Variants in WDR64 observed in about 807,000 individuals in gnomAD.
WDR64 encodes WD repeat domain 64.
In WDR64, 112 loss-of-function variants were observed where a neutral mutation model predicts 139.3. That is an observed-to-expected ratio of 0.80 (90% CI 0.69 to 0.94). WDR64 has a LOEUF of 0.94. WDR64 is among the 40% of genes least tolerant of loss of function. The probability of loss-of-function intolerance (pLI) is 0.00; values close to 1 mark genes in which losing one functional copy is unlikely to be tolerated. For missense variants in WDR64, 1,206 were observed against 1,293.1 expected (o/e 0.93, Z 1.03); for synonymous variants, 444 against 437.7 (o/e 1.01, Z -0.18).
chr1:241,704,675 A>AT, intron 8 of WDR64, among the ~76,000 whole-genome samples: 1 of 152,316 alleles, frequency 6.6e-6, no homozygotes, highest in East Asian at 1.9e-4. Flanking sequence ...AGAAACTGAA[A>AT]TTTTTAAAAT....
chr1:241,673,219 C>A (rs148607755), intron 3 of WDR64, among the ~76,000 whole-genome samples: 5 of 151,816 alleles, frequency 3.3e-5, no homozygotes, highest in Non-Finnish European at 5.9e-5. Flanking sequence ...TTAGGAGATA[C>A]ACCTAATGCT....
intron 2 of WDR64, among the ~76,000 whole-genome samples, chr1:241,666,845 T>C (rs1666041687): frequency 6.6e-6 from 1 of 152,224 alleles, no homozygotes; most frequent in Non-Finnish European, 1.5e-5. Flanking sequence ...TTACTGATTA[T>C]CCTTATTTTA....
rs545383701 is a variant in WDR64 at position 241,663,126 on chromosome 1, C to T, written c.276+2466C>T. Among the ~76,000 whole-genome samples the T allele has an allele frequency of 8.5e-5, 13 of 152,244 alleles. No individual in the cohort carries two copies. In the East Asian group the frequency reaches 2.5e-3, roughly 29 times the overall value. On this transcript the variant is annotated intron_variant, in intron 2 of 27. Coordinates refer to ENST00000437684, the MANE Select transcript of WDR64 (RefSeq NM_001367482.1). ...CTAGGAAATAAAAAGATTCCACTCA[C>T]AAAAGCAACAAATAGGAGAAAGTAT...
intron 1 of WDR64, among the ~76,000 whole-genome samples, chr1:241,657,493 T>TCA (rs1249916861): frequency 2.3e-4 from 35 of 152,298 alleles, no homozygotes; most frequent in Non-Finnish European, 1.5e-4. Flanking sequence ...TGTAGGTACC[T>TCA]CATACCTACT....
intron 8 of WDR64, among the ~76,000 whole-genome samples, chr1:241,696,377 C>T (rs1014880899): frequency 1.3e-5 from 2 of 151,660 alleles, no homozygotes; most frequent in Admixed American, 6.6e-5. Flanking sequence ...TTGGACCTCA[C>T]GCAAAAAAGA....
intron 10 of WDR64, among the ~76,000 whole-genome samples, chr1:241,732,298 G>A (rs1314579850): frequency 6.8e-6 from 1 of 146,688 alleles, no homozygotes; most frequent in African/African-American, 2.6e-5. Flanking sequence ...TTCTTACAAT[G>A]CAGTATCTAT....
chr1:241,701,839 C>T (rs893088303), intron 8 of WDR64, among the ~76,000 whole-genome samples: 4 of 152,212 alleles, frequency 2.6e-5, no homozygotes, highest in Non-Finnish European at 5.9e-5. Flanking sequence ...TCCATTCCAT[C>T]TCTAGACTCA....
chr1:241,793,524 C>T lies in WDR64; in HGVS notation c.2998-1683C>T, dbSNP rs1056285656. On this transcript the variant is annotated intron_variant, in intron 25 of 27. Transcript: ENST00000437684. ...TGTTCAGTATATCATTATTCTTTAA[C>T]AGTATCTACCTCATATTTAATAAAT... 5.8e-4 allele frequency among the ~76,000 whole-genome samples: 89 copies of T among 152,202 alleles called. 3 individuals are homozygous for T. Among genetic ancestry groups the T allele is most frequent in the Non-Finnish European group, 1.8e-4 (12 of 68,028 alleles).
Position 241,795,267 on chromosome 1 carries a change from G to C in WDR64, c.3058G>C (p.Gly1020Arg), listed in dbSNP as rs775294576. The C allele has an allele frequency of 1.2e-6, 2 of 1,613,550 alleles. No individual in the cohort carries two copies. Among genetic ancestry groups the C allele is most frequent in the Non-Finnish European group, 8.5e-7 (1 of 1,179,814 alleles). The part of the protein sequence containing the change: ...TENREAGIVF[G>R]SLPIYSISSP... ...AAACAGAGAGGCAGGGATTGTTTTC[G>C]GCTCTCTGCCTATATACAGTGTGAG... The change falls in exon 26 of 28, where the codon GGC becomes CGC. Residue 1020 changes from glycine (G) to arginine (R), a missense_variant. Physicochemically the swap from Gly to Arg is moderately radical, Grantham distance 125 (BLOSUM62 -2). Transcript: ENST00000437684.
chr1:241,729,977 C>T (rs879438909), intron 10 of WDR64, among the ~76,000 whole-genome samples: 1 of 152,090 alleles, frequency 6.6e-6, no homozygotes, highest in African/African-American at 2.4e-5. Flanking sequence ...AAACTGTTTG[C>T]AACATTCTTA....
chr1:241,724,154 T>C (rs927584516), intron 10 of WDR64, among the ~76,000 whole-genome samples: 6 of 152,154 alleles, frequency 3.9e-5, no homozygotes, highest in Non-Finnish European at 8.8e-5. Context: ...GAACACAAAT[T>C]AAGGGACATA....
chr1:241,698,673 C>A (rs1418474083), intron 8 of WDR64, among the ~76,000 whole-genome samples: 1 of 152,118 alleles, frequency 6.6e-6, no homozygotes, highest in Non-Finnish European at 1.5e-5. Context: ...GCCTGAAATA[C>A]CCTCCCCATT....
intron 7 of WDR64, among the ~76,000 whole-genome samples, chr1:241,686,130 C>T (rs1046596450): frequency 1.3e-5 from 2 of 152,104 alleles, no homozygotes. Context: ...TTCAAGACTA[C>T]GGTGTATATA....
intron 14 of WDR64, among the ~76,000 whole-genome samples, chr1:241,752,298 GCTA>G (rs562474518): frequency 2.4e-4 from 37 of 152,186 alleles, no homozygotes; most frequent in African/African-American, 8.2e-4. Flanking sequence ...TTTTCACAAA[GCTA>G]CTTTTACTTC....
intron 23 of WDR64, among the ~76,000 whole-genome samples, chr1:241,784,363 G>C (rs890150639): frequency 5.3e-5 from 8 of 152,204 alleles, no homozygotes; most frequent in Admixed American, 2.6e-4. Context: ...GCTTGGATTA[G>C]AGGAGTGGTA....
In WDR64 at chr1:241,703,044, C is replaced by T. The variant is rs541585611; in HGVS notation, c.975-8758C>T. 4.6e-5 allele frequency among the ~76,000 whole-genome samples: 7 copies of T among 152,248 alleles called. No individual in the cohort carries two copies. Among genetic ancestry groups the T allele is most frequent in the East Asian group, 1.9e-4 (1 of 5,184 alleles). ...AAGAGGCAGTAATACAGAGTTAGGG[C>T]CACTTTTTAAAAATGCCTTACCTGA... On this transcript the variant is annotated intron_variant, in intron 8 of 27. Transcript: ENST00000437684. The surrounding 1 kb of genome is among the most constrained non-coding windows in gnomAD (Gnocchi z 5.9).
At chr1:241,711,529 C>G (rs1171363020) in intron 8 of WDR64, among the ~76,000 whole-genome samples, 3 of 152,164 alleles carry the variant, frequency 2.0e-5, no homozygotes, top group Admixed American at 2.0e-4. Flanking sequence ...TCGGCCCATC[C>G]TCACCACAAG....
Position 241,760,330 on chromosome 1 carries a change from C to CAT in WDR64, c.1947+2886_1947+2887dup, listed in dbSNP as rs770379173. Among the ~76,000 whole-genome samples the CAT allele has an allele frequency of 5.1e-3, 752 of 148,766 alleles. 5 individuals carry two copies. The highest frequency in any genetic ancestry group is 7.1e-3 in the African/African-American group (288 of 40,790). On this transcript the variant is annotated intron_variant, in intron 15 of 27. Transcript: ENST00000437684. Reference sequence around the variant, plus strand: ...TAAAAGTAGTGCTGCAACAAATAGCCATATATATATATATATTTATATTTA... The same window carrying CAT: ...TAAAAGTAGTGCTGCAACAAATAGCCATATATATATATATATATTTATATTTA...
chr1:241,756,269 T>G (rs971493399), intron 14 of WDR64, among the ~76,000 whole-genome samples: 1 of 152,292 alleles, frequency 6.6e-6, no homozygotes, highest in African/African-American at 2.4e-5. Flanking sequence ...CTTGAAGAGG[T>G]CCTTCACATC....
Sources: gnomAD v4.1 joint callset for allele counts (sites outside exome capture counted in the v4.1 genomes callset) on GRCh38, gnomAD v4.1.1 for gene constraint, Gnocchi (gnomAD v3.1) non-coding constraint, MANE v1.5 for transcripts, NCBI Gene and HGNC (gene_info 2026-07-23, HGNC 2026-07-21) for gene names.